Variants in GRM7 observed in about 807,000 individuals in gnomAD.
GRM7 encodes metabotropic glutamate receptor 7.
GRM7 carries 35 observed loss-of-function variants against 84.5 expected under a neutral mutation model. The ratio of observed to expected loss-of-function variants is 0.41; its 90% CI spans 0.32 to 0.55. GRM7 has a LOEUF of 0.55. Ranked by LOEUF, GRM7 falls within the 20% of genes least tolerant of loss-of-function variation. GRM7 has a pLI of 0.19. For missense variants in GRM7, 1,003 were observed against 1,194.6 expected (o/e 0.84, Z 2.36); for synonymous variants, 487 against 455.1 (o/e 1.07, Z -0.89).
At chr3:7,658,368 A>C (rs1699292112) in intron 8 of GRM7, among the ~76,000 whole-genome samples, 1 of 152,338 alleles carries the variant, frequency 6.6e-6, no homozygotes, top group East Asian at 1.9e-4. Context: ...TGAACCATTT[A>C]GTTTTGGGAA....
chr3:7,304,630 T>C (rs1700126205), intron 3 of GRM7, among the ~76,000 whole-genome samples: 1 of 152,002 alleles, frequency 6.6e-6, no homozygotes, highest in Non-Finnish European at 1.5e-5. Flanking sequence ...GGAAGAAGAA[T>C]CTTATTTCTT....
intron 2 of GRM7, among the ~76,000 whole-genome samples, chr3:7,253,732 C>G (rs1698094055): frequency 6.6e-6 from 1 of 151,776 alleles, no homozygotes; most frequent in South Asian, 2.1e-4. Context: ...AATTTAAGAG[C>G]TTTCCCAAGC....
intron 7 of GRM7, among the ~76,000 whole-genome samples, chr3:7,543,103 A>C (rs564006094): frequency 6.6e-6 from 1 of 152,336 alleles, no homozygotes; most frequent in South Asian, 2.1e-4. Context: ...AGCCAGAAGC[A>C]ATTATGGTGT....
chr3:7,215,686 A>C (rs1696585810), intron 2 of GRM7, among the ~76,000 whole-genome samples: 1 of 151,924 alleles, frequency 6.6e-6, no homozygotes, highest in South Asian at 2.1e-4. Flanking sequence ...TAAATAAATA[A>C]ATAAATAAAT....
intron 2 of GRM7, among the ~76,000 whole-genome samples, chr3:7,257,530 T>C (rs1280444131): frequency 6.6e-6 from 1 of 152,142 alleles, no homozygotes; most frequent in Non-Finnish European, 1.5e-5. Context: ...TTCGCTTCTC[T>C]TTCTCTCCAC....
chr3:7,562,374 A>G (rs1020928099), intron 7 of GRM7, among the ~76,000 whole-genome samples: 1 of 151,912 alleles, frequency 6.6e-6, no homozygotes, highest in African/African-American at 2.4e-5. Flanking sequence ...AAAAAAAAAT[A>G]CTAGTTTTAA....
chr3:7,147,477 A>T (rs931729453), intron 2 of GRM7, among the ~76,000 whole-genome samples: 4 of 152,158 alleles, frequency 2.6e-5, no homozygotes, highest in African/African-American at 9.7e-5. Context: ...TAAGCATTTC[A>T]TGCAATTTAA....
intron 1 of GRM7, among the ~76,000 whole-genome samples, chr3:7,033,610 A>G (rs1047316844): frequency 1.4e-4 from 21 of 152,074 alleles, no homozygotes; most frequent in Non-Finnish European, 2.8e-4. Flanking sequence ...TTTTCCCCCT[A>G]AAGCTGCAAA....
At chr3:6,992,897 C>A (rs1345677915) in intron 1 of GRM7, among the ~76,000 whole-genome samples, 3 of 152,184 alleles carry the variant, frequency 2.0e-5, no homozygotes, top group African/African-American at 7.2e-5. Flanking sequence ...ATGCAGCACC[C>A]TGTGACACAG....
intron 2 of GRM7, among the ~76,000 whole-genome samples, chr3:7,280,146 C>G (rs866245804): frequency 1.8e-4 from 28 of 152,286 alleles, no homozygotes; most frequent in Middle Eastern, 3.4e-3. Flanking sequence ...CCTCATTAAT[C>G]ATAAAAAGGC....
At chr3:6,912,314 A>C (rs1310194466) in intron 1 of GRM7, among the ~76,000 whole-genome samples, 4 of 152,170 alleles carry the variant, frequency 2.6e-5, no homozygotes, top group Admixed American at 2.0e-4. Context: ...CATGTGAAGT[A>C]GGTGTTGGTG....
chr3:6,911,425 A>T (rs1696764980), intron 1 of GRM7, among the ~76,000 whole-genome samples: 1 of 152,124 alleles, frequency 6.6e-6, no homozygotes. Flanking sequence ...TCATCCAACC[A>T]GTTTAAGAGC....
intron 1 of GRM7, among the ~76,000 whole-genome samples, chr3:7,099,959 A>C (rs1699052941): frequency 6.8e-6 from 1 of 147,804 alleles, no homozygotes; most frequent in Non-Finnish European, 1.5e-5. Context: ...GTATATATAC[A>C]TATATTATAC....
intron 1 of GRM7, among the ~76,000 whole-genome samples, chr3:6,979,180 T>A (rs1164800437): frequency 2.0e-5 from 3 of 152,198 alleles, no homozygotes; most frequent in African/African-American, 7.2e-5. Flanking sequence ...CTTCCACGAA[T>A]TCTCTCTTTT....
At chr3:7,529,551 G>T (rs767453729) in intron 7 of GRM7, among the ~76,000 whole-genome samples, 4 of 152,062 alleles carry the variant, frequency 2.6e-5, no homozygotes, top group Non-Finnish European at 5.9e-5. Flanking sequence ...ACTCTTAACG[G>T]ACACTTATTG....
At chr3:7,247,703 A>G (rs1181857573) in intron 2 of GRM7, among the ~76,000 whole-genome samples, 1 of 151,780 alleles carries the variant, frequency 6.6e-6, no homozygotes, top group Non-Finnish European at 1.5e-5. Context: ...GCAAGCCACA[A>G]ATTAGGAGGA....
intron 1 of GRM7, among the ~76,000 whole-genome samples, chr3:6,963,858 G>A (rs533234806): frequency 3.4e-4 from 51 of 151,988 alleles, no homozygotes; most frequent in Non-Finnish European, 2.4e-4. Context: ...TATTTTTTTC[G>A]TCTCCACTCT....
rs189004582 is a variant in GRM7 at position 6,997,481 on chromosome 3, T to G, written c.519+135574T>G. On this transcript the variant is annotated intron_variant, in intron 1 of 9. Coordinates refer to ENST00000357716, the MANE Select transcript of GRM7 (RefSeq NM_000844.4). ...TAGCAAGGAGAAGTGCAGAGCAAAA[T>G]GGGGGAAAGCCCCTTATAAAGCCAT... Among the ~76,000 whole-genome samples the G allele has an allele frequency of 1.6e-4, 24 of 152,208 alleles. No homozygotes were observed. In the East Asian group the frequency reaches 3.7e-3, roughly 23 times the overall value.
intron 1 of GRM7, among the ~76,000 whole-genome samples, chr3:7,067,399 C>T (rs568509581): frequency 7.9e-5 from 12 of 152,052 alleles, no homozygotes; most frequent in Non-Finnish European, 1.3e-4. Flanking sequence ...AGAATCAAAT[C>T]AAGAACTCAA....
Sources: allele counts gnomAD v4.1 joint callset (sites outside exome capture counted in the v4.1 genomes callset), GRCh38; gene constraint gnomAD v4.1.1; transcripts MANE v1.5; gene names NCBI Gene and HGNC (gene_info 2026-07-23, HGNC 2026-07-21).